The following NCAN variants were observed in gnomAD, a reference collection of about 807,000 sequenced individuals.
NCAN encodes the protein neurocan core protein.
In NCAN, 47 loss-of-function variants were observed where a neutral mutation model predicts 121.8. The ratio of observed to expected loss-of-function variants is 0.39; its 90% CI spans 0.31 to 0.49. The LOEUF (loss-of-function observed/expected upper bound fraction) is 0.49, where lower values mean the gene tolerates loss of function less well. Ranked by LOEUF, NCAN falls within the 20% of genes least tolerant of loss-of-function variation. The pLI is 0.92. For missense variants in NCAN, 1,517 were observed against 1,773.4 expected, an observed-to-expected ratio of 0.86 and a Z score of 2.60; for synonymous variants, 633 against 702.0, an observed-to-expected ratio of 0.90 and a Z score of 1.55.
intron 2 of NCAN, among the ~76,000 whole-genome samples, chr19:19,217,393 C>A (rs2060799768): frequency 6.6e-6 from 1 of 152,162 alleles, no homozygotes; most frequent in African/African-American, 2.4e-5. Context: ...TTTTAGAAAT[C>A]CCTCACAGAT....
In NCAN at chr19:19,233,841, T is replaced by C. The variant is rs1361238312; in HGVS notation, c.3072T>C (p.Asn1024=). The change falls in exon 9 of 15, where the codon AAT becomes AAC. Residue 1024 remains asparagine (N), a synonymous_variant. Coordinates refer to ENST00000252575, the MANE Select transcript of NCAN (RefSeq NM_004386.3). The part of the protein sequence containing the change: ...NNPCLHGGTC[N]ANGTMYGCSC... ...CTTGTCTTCATGGAGGGACATGTAATGCCAATGGCACCATGTATGGCTGTA... is the reference window on the plus strand; with the variant it reads ...CTTGTCTTCATGGAGGGACATGTAACGCCAATGGCACCATGTATGGCTGTA... 1.2e-6 allele frequency: 2 copies of C among 1,614,152 alleles called. No homozygotes were observed. Among genetic ancestry groups the C allele is most frequent in the South Asian group, 1.1e-5 (1 of 91,084 alleles).
chr19:19,248,589 C>T (rs1227212150), intron 13 of NCAN, 111 bp from the exon 14 acceptor site: 6 of 1,095,986 alleles, frequency 5.5e-6, no homozygotes, highest in Admixed American at 4.3e-5. Context: ...CGCGCCACTG[C>T]ACTCCAGTCT....
rs772995256 is a variant in NCAN, at chr19:19,234,981, A to G, written c.3137-2A>G. On this transcript the variant is annotated splice_acceptor_variant, in intron 9 of 14. Coordinates refer to ENST00000252575, the MANE Select transcript of NCAN (RefSeq NM_004386.3). LOFTEE classifies it high-confidence loss of function. Reference sequence around the variant, plus strand: ...AACTCAGTCTCTTCCCCTCTCTGCCAGACATTGATGACTGCCTCTGCAGCC... The same window carrying G: ...AACTCAGTCTCTTCCCCTCTCTGCCGGACATTGATGACTGCCTCTGCAGCC... The G allele has an allele frequency of 1.9e-6, 3 of 1,603,174 alleles. No individual in the cohort carries two copies. The highest frequency in any genetic ancestry group is 1.7e-6 in the Non-Finnish European group (2 of 1,171,218).
chr19:19,239,226 C>T (rs1165951042), intron 11 of NCAN, among the ~76,000 whole-genome samples: 1 of 152,080 alleles, frequency 6.6e-6, no homozygotes, highest in African/African-American at 2.4e-5. Context: ...GGGCCTACTT[C>T]CGGTTCTTCC....
chr19:19,243,838 C>T (rs552377774), intron 12 of NCAN, among the ~76,000 whole-genome samples: 3 of 152,104 alleles, frequency 2.0e-5, no homozygotes, highest in South Asian at 2.1e-4. Flanking sequence ...CCAGCCTGGC[C>T]AACATGGTGA....
At chr19:19,232,155 A>T (rs917545135) in intron 8 of NCAN, among the ~76,000 whole-genome samples, 2 of 152,082 alleles carry the variant, frequency 1.3e-5, no homozygotes, top group African/African-American at 2.4e-5. Context: ...CGGGGGTTGG[A>T]GCTGCACCTG....
In NCAN at chr19:19,224,973, G is replaced by A; in HGVS notation, c.779-4G>A. The A allele has an allele frequency of 3.5e-6, 5 of 1,425,824 alleles. No homozygotes were observed. Among genetic ancestry groups the A allele is most frequent in the South Asian group, 1.5e-5 (1 of 68,738 alleles). The allele number at this position is 1,425,824 out of a possible 1,614,324, so 88.3% of individuals were successfully genotyped here. ...CCCCTGACCTCCACCCGCCCCTCCC[G>A]CAGGCGAGGTCTTCTACGTGGGCCC... On this transcript the variant is annotated splice_polypyrimidine_tract_variant and splice_region_variant and intron_variant, in intron 5 of 14. Transcript: ENST00000252575.
chr19:19,248,173 G>A (rs927860136), intron 13 of NCAN, among the ~76,000 whole-genome samples: 6 of 151,786 alleles, frequency 4.0e-5, no homozygotes, highest in South Asian at 2.1e-4. Flanking sequence ...AGCCAGGCAC[G>A]GTGGCTCATG....
At chr19:19,223,510 T>C (rs1337790449) in intron 3 of NCAN, among the ~76,000 whole-genome samples, 1 of 152,158 alleles carries the variant, frequency 6.6e-6, no homozygotes, top group Non-Finnish European at 1.5e-5. Flanking sequence ...TCTTGTTCTG[T>C]CTCCCAGGCT....
Position 19,227,784 on chromosome 19 carries a change from T to C in NCAN, c.2164T>C (p.Ser722Pro), listed in dbSNP as rs2060843326. 9 of 1,613,616 alleles carry C rather than the reference T, an allele frequency of 5.6e-6. No individual in the cohort carries two copies. The highest frequency in any genetic ancestry group is 7.6e-6 in the Non-Finnish European group (9 of 1,179,980). ...TGCTCAGGTCAACAAAGCTGAGCACTCCAGCTCCAGCCCATGGCCTTCTGT... is the reference window on the plus strand; with the variant it reads ...TGCTCAGGTCAACAAAGCTGAGCACCCCAGCTCCAGCCCATGGCCTTCTGT... Reference protein sequence around the residue: ...SPAQVNKAEHSSSSPWPSVNR... With the variant: ...SPAQVNKAEHPSSSPWPSVNR... The change falls in exon 8 of 15, where the codon TCC becomes CCC. Residue 722 changes from serine (S) to proline (P), a missense_variant. Physicochemically the swap from Ser to Pro is moderately conservative, Grantham distance 74. Coordinates refer to ENST00000252575, the MANE Select transcript of NCAN (RefSeq NM_004386.3). The surrounding 1 kb of genome is among the most constrained non-coding windows in gnomAD (Gnocchi z 4.2).
chr19:19,238,951 C>T (rs951602505), intron 11 of NCAN, among the ~76,000 whole-genome samples: 2 of 152,124 alleles, frequency 1.3e-5, no homozygotes, highest in Admixed American at 6.5e-5. Flanking sequence ...GCCTTCTGCT[C>T]ATCCATCCAT....
At chr19:19,226,206 G>A (rs771096486) in intron 6 of NCAN, among the ~76,000 whole-genome samples, 3 of 151,988 alleles carry the variant, frequency 2.0e-5, no homozygotes, top group Non-Finnish European at 4.4e-5. Flanking sequence ...CTGGGATTAC[G>A]GACGTGAGCC....
At chr19:19,236,684 C>G (rs1021228641) in intron 10 of NCAN, among the ~76,000 whole-genome samples, 2 of 150,746 alleles carry the variant, frequency 1.3e-5, no homozygotes, top group African/African-American at 4.9e-5. Context: ...CCTGCCTCAG[C>G]CTCCCAAAGT....
intron 9 of NCAN, among the ~76,000 whole-genome samples, chr19:19,234,488 C>T (rs111800537): frequency 7.2e-4 from 110 of 152,256 alleles, no homozygotes; most frequent in African/African-American, 2.5e-3. Flanking sequence ...TTATTATTAC[C>T]ATTTTCAAAA....
chr19:19,238,618 A>G (rs960968035), intron 11 of NCAN: 2 of 619,616 alleles, frequency 3.2e-6, no homozygotes, highest in African/African-American at 3.7e-5. Context: ...TCATTCATTC[A>G]TTCACCAAAT....
At chr19:19,232,178 G>A (rs2060862502) in intron 8 of NCAN, among the ~76,000 whole-genome samples, 4 of 152,178 alleles carry the variant, frequency 2.6e-5, no homozygotes, top group African/African-American at 7.2e-5. Flanking sequence ...CTGAGGCTGA[G>A]TCTGTCTTGG....
At chr19:19,231,871 C>G (rs575808639) in intron 8 of NCAN, among the ~76,000 whole-genome samples, 25 of 151,934 alleles carry the variant, frequency 1.6e-4, no homozygotes, top group Non-Finnish European at 2.9e-4. Flanking sequence ...CCCAGCTACT[C>G]AGGGGTGCTG....
intron 1 of NCAN, among the ~76,000 whole-genome samples, chr19:19,213,499 T>A (rs1257271871): frequency 6.8e-5 from 7 of 102,326 alleles, no homozygotes; most frequent in Admixed American, 5.0e-4. Flanking sequence ...CATCAAGGGG[T>A]TTATGTGGGG....
At chr19:19,242,190 A>G (rs1355447305) in intron 12 of NCAN, among the ~76,000 whole-genome samples, 3 of 151,740 alleles carry the variant, frequency 2.0e-5, no homozygotes, top group Non-Finnish European at 4.4e-5. Context: ...GCAGGACTCC[A>G]TCTCCAAAAC....
Sources: allele counts gnomAD v4.1 joint callset (sites outside exome capture counted in the v4.1 genomes callset), GRCh38; gene constraint gnomAD v4.1.1; non-coding constraint Gnocchi (gnomAD v3.1); transcripts MANE v1.5; gene names NCBI Gene and HGNC (gene_info 2026-07-23, HGNC 2026-07-21).